MROH1: variants seen among roughly 807,000 people sequenced by gnomAD.
MROH1 encodes the protein maestro heat like repeat family member 1.
A neutral mutation model predicts 116.5 loss-of-function variants in MROH1; 117 were observed. The observed-to-expected ratio is 1.00, with a 90% CI of 0.86 to 1.17. MROH1 has a LOEUF of 1.17. Ranked by LOEUF, MROH1 falls within the 50% of genes most tolerant of loss-of-function variation. The pLI, the probability that MROH1 is intolerant of heterozygous loss-of-function variation, is 0.00. For missense variants in MROH1, 1,873 were observed against 1,338.5 expected (o/e 1.40, Z -6.23); for synonymous variants, 921 against 583.9 (o/e 1.58, Z -8.32).
chr8:144,169,264 G>A (rs1821805993), intron 4 of MROH1, among the ~76,000 whole-genome samples: 1 of 152,068 alleles, frequency 6.6e-6, no homozygotes, highest in Admixed American at 6.6e-5. Flanking sequence ...ATGTAAAAAG[G>A]GACCTCTATA....
rs1467185878 is a variant in MROH1 at position 144,234,514 on chromosome 8, T to G, written c.1339-4242T>G. On this transcript the variant is annotated intron_variant, in intron 14 of 43. Transcript: ENST00000326134. Reference sequence around the variant, plus strand: ...TTCTTTTTCGTTTTTTTTTTTTTTTTTTTTTTTTTTTTTTTTTTTTCAAAA... The same window carrying G: ...TTCTTTTTCGTTTTTTTTTTTTTTTGTTTTTTTTTTTTTTTTTTTTCAAAA... Among the ~76,000 whole-genome samples, 23 of 76,248 alleles carry G rather than the reference T, an allele frequency of 3.0e-4. 2 individuals are homozygous for G. In the East Asian group the frequency reaches 4.3e-3, roughly 14 times the overall value. 50.0% of individuals were successfully genotyped at this position (76,248 alleles called of 152,430 possible). A position where few individuals can be genotyped will look rare whatever the true frequency, so the allele number is the denominator to read the frequency against.
chr8:144,255,887 C>T (rs1265337236), intron 35 of MROH1, among the ~76,000 whole-genome samples, 182 bp downstream of exon 35: 13 of 151,918 alleles, frequency 8.6e-5, no homozygotes, highest in East Asian at 1.9e-4. Context: ...ACATCCATGG[C>T]CACCCTTCTC....
chr8:144,214,502 G>C (rs1264520549), intron 12 of MROH1: 1 of 152,152 alleles, frequency 6.6e-6, no homozygotes, highest in Non-Finnish European at 1.5e-5. Flanking sequence ...GTAAACCCCG[G>C]TGCATGTGAA....
chr8:144,220,262 A>G (rs1836425809), intron 12 of MROH1, among the ~76,000 whole-genome samples: 2 of 152,096 alleles, frequency 1.3e-5, no homozygotes, highest in South Asian at 2.1e-4. Context: ...CCCTGCCCCC[A>G]GTGCTTAATC....
chr8:144,223,038 T>A, intron 13 of MROH1, 70 bp from the exon 14 acceptor site: 1 of 1,596,074 alleles, frequency 6.3e-7, no homozygotes, highest in Non-Finnish European at 8.6e-7. Flanking sequence ...CTGAGGTTCC[T>A]CTCTGCTGGC....
At chr8:144,192,562 T>C in intron 10 of MROH1, 161 bp downstream of exon 10, 2 of 717,534 alleles carry the variant, frequency 2.8e-6, no homozygotes, top group Admixed American at 2.0e-5. Context: ...TTCTTAGCGA[T>C]GTGGCGATGC....
intron 11 of MROH1, 129 bp downstream of exon 11, chr8:144,199,329 C>T (rs1353472509): frequency 3.4e-6 from 3 of 890,208 alleles, no homozygotes; most frequent in African/African-American, 3.3e-5. Context: ...TTCCACCTCT[C>T]CTGGGCCTAC....
chr8:144,241,729 G>A (rs1278059539), intron 22 of MROH1, among the ~76,000 whole-genome samples: 4 of 152,240 alleles, frequency 2.6e-5, no homozygotes, highest in African/African-American at 4.8e-5. Flanking sequence ...ACGTAGCTGT[G>A]GCCAGGGCCA....
intron 22 of MROH1, 81 bp downstream of exon 22, chr8:144,241,598 G>T: frequency 1.3e-6 from 1 of 771,318 alleles, no homozygotes; most frequent in Non-Finnish European, 2.4e-6. Flanking sequence ...GCGGGCTGGA[G>T]TGGGGCAGGA....
intron 12 of MROH1, among the ~76,000 whole-genome samples, chr8:144,215,904 G>T (rs186365647): frequency 7.1e-6 from 1 of 140,052 alleles, no homozygotes; most frequent in South Asian, 2.3e-4. Flanking sequence ...AATGAAACAC[G>T]GGCTGGGTGC....
rs979588239 is a variant in MROH1 at position 144,249,643 on chromosome 8, G to A, written c.3274-569G>A. On this transcript the variant is annotated intron_variant, in intron 32 of 43. Transcript: ENST00000326134. ...CCAGGGCCAGCGTCCTCCTGCCCACGTTTCCCCCGCGTTCCGTTCACCTGC... is the reference window on the plus strand; with the variant it reads ...CCAGGGCCAGCGTCCTCCTGCCCACATTTCCCCCGCGTTCCGTTCACCTGC... 7.2e-5 allele frequency among the ~76,000 whole-genome samples: 11 copies of A among 152,258 alleles called. No individual in the cohort carries two copies. The East Asian group carries it at 9.7e-4, about 13-fold the overall frequency.
intron 20 of MROH1, 148 bp from the exon 21 acceptor site, chr8:144,240,844 C>CT (rs1840857813): frequency 1.5e-6 from 1 of 681,584 alleles, no homozygotes; most frequent in Admixed American, 2.1e-5. Flanking sequence ...GGCCCCACCG[C>CT]TTATTCCTCA....
intron 12 of MROH1, among the ~76,000 whole-genome samples, chr8:144,206,448 G>GTTTC (rs1268289142): frequency 6.8e-6 from 1 of 147,720 alleles, no homozygotes; most frequent in Non-Finnish European, 1.5e-5. Context: ...TTGAGACATA[G>GTTTC]TTTCGCTCTT....
Position 144,163,693 on chromosome 8 carries a change from C to A in MROH1, c.-56-78C>A. On this transcript the variant is annotated intron_variant, in intron 2 of 43. Coordinates refer to ENST00000326134, the MANE Select transcript of MROH1 (RefSeq NM_032450.3). The surrounding 1 kb of genome is among the most constrained non-coding windows in gnomAD (Gnocchi z 4.4). ...AAATTCATTTAAATTGTGTATTTTA[C>A]ATGGAAATGGTAATTGCCTGTGAAC... 2.4e-6 allele frequency: 2 copies of A among 827,910 alleles called. No homozygotes were observed. Among genetic ancestry groups the A allele is most frequent in the Non-Finnish European group, 3.8e-6 (2 of 525,306 alleles). 51.3% of individuals were successfully genotyped at this position (827,910 alleles called of 1,614,324 possible).
intron 29 of MROH1, among the ~76,000 whole-genome samples, chr8:144,246,121 C>T (rs1282597365): frequency 1.5e-5 from 2 of 135,440 alleles, no homozygotes; most frequent in Non-Finnish European, 3.1e-5. Flanking sequence ...CCTTTCTTTC[C>T]TTTCTGAGAC....
At chr8:144,149,980 C>A (rs1244327471) in intron 1 of MROH1, among the ~76,000 whole-genome samples, 1 of 152,046 alleles carries the variant, frequency 6.6e-6, no homozygotes, top group Non-Finnish European at 1.5e-5. Context: ...TTCCTTGGAC[C>A]TGACGCGTGG....
In MROH1 at chr8:144,261,005, C is replaced by T. The variant is rs1207485887; in HGVS notation, c.4635C>T (p.His1545=). 2.1e-5 allele frequency: 14 copies of T among 675,630 alleles called. No individual in the cohort carries two copies. Among genetic ancestry groups the T allele is most frequent in the Admixed American group, 9.3e-5 (5 of 53,810 alleles). 41.9% of individuals were successfully genotyped at this position (675,630 alleles called of 1,614,324 possible). Reference sequence around the variant, plus strand: ...ACCTGCAGGAGGGCCGAGCCCTGCACTTCGGGGAGTTCCTCAACACCACCT... The same window carrying T: ...ACCTGCAGGAGGGCCGAGCCCTGCATTTCGGGGAGTTCCTCAACACCACCT... ...QKHLQEGRAL[H]FGEFLNTTCK... is the part of the protein sequence containing the mutation. The change falls in exon 41 of 44, where the codon CAC becomes CAT. Residue 1545 remains histidine, a synonymous_variant. Coordinates refer to ENST00000326134, the MANE Select transcript of MROH1 (RefSeq NM_032450.3).
At chr8:144,168,067 T>C (rs997587872) in intron 3 of MROH1, among the ~76,000 whole-genome samples, 9 of 152,246 alleles carry the variant, frequency 5.9e-5, no homozygotes, top group Non-Finnish European at 1.0e-4. Context: ...CAGGGGCAGC[T>C]GGAATGTGAG....
At chr8:144,179,736 C>A (rs1255950778) in intron 5 of MROH1, 150 bp downstream of exon 5, 2 of 1,026,902 alleles carry the variant, frequency 1.9e-6, no homozygotes, top group African/African-American at 1.6e-5. Context: ...ATGCATCACC[C>A]TGCAGGGGTG....
Sources: gnomAD v4.1 joint callset for allele counts (sites outside exome capture counted in the v4.1 genomes callset) on GRCh38, gnomAD v4.1.1 for gene constraint, Gnocchi (gnomAD v3.1) non-coding constraint, MANE v1.5 for transcripts, NCBI Gene and HGNC (gene_info 2026-07-23, HGNC 2026-07-21) for gene names.